The following DNAJC13 variants were observed in gnomAD, a reference collection of about 807,000 sequenced individuals.
The protein encoded by DNAJC13 is dnaJ homolog subfamily C member 13.
Under a neutral mutation model 290.5 loss-of-function variants are expected in DNAJC13, and 75 were observed. The observed-to-expected ratio is 0.26, with a 90% CI of 0.21 to 0.31. The LOEUF is 0.31. Among genes scored for constraint, DNAJC13 ranks in the 10% least tolerant of loss-of-function variants. DNAJC13 has a pLI of 1.00. For missense variants in DNAJC13, 2,260 were observed against 2,674.5 expected, an observed-to-expected ratio of 0.85 and a Z score of 3.42; for synonymous variants, 862 against 892.0, an observed-to-expected ratio of 0.97 and a Z score of 0.60.
chr3:132,461,019 G>C, intron 14 of DNAJC13, 31 bp from the exon 15 acceptor site: 1 of 1,600,432 alleles, frequency 6.2e-7, no homozygotes, highest in Non-Finnish European at 8.5e-7. Flanking sequence ...CATCTCTTAA[G>C]TCTTTAAGAG....
At chr3:132,471,061 G>A (rs1273960836) in intron 20 of DNAJC13, among the ~76,000 whole-genome samples, 13 of 138,684 alleles carry the variant, frequency 9.4e-5, no homozygotes, top group Non-Finnish European at 1.8e-4. Context: ...CTGGCCAGGC[G>A]GGGGGCTTAC....
chr3:132,431,319 A>G (rs1233907520), intron 1 of DNAJC13, among the ~76,000 whole-genome samples: 1 of 152,182 alleles, frequency 6.6e-6, no homozygotes, highest in Non-Finnish European at 1.5e-5. Flanking sequence ...GAATGTGGAA[A>G]GTGCTATGGG....
At chr3:132,522,166 A>G (rs886650941) in intron 48 of DNAJC13, among the ~76,000 whole-genome samples, 1 of 152,172 alleles carries the variant, frequency 6.6e-6, no homozygotes, top group Non-Finnish European at 1.5e-5. Flanking sequence ...GTAAGATAAG[A>G]TTTGAGCCCA....
At chr3:132,448,940 C>G (rs1019046662) in intron 5 of DNAJC13, among the ~76,000 whole-genome samples, 1 of 152,070 alleles carries the variant, frequency 6.6e-6, no homozygotes, top group African/African-American at 2.4e-5. Context: ...GGTGACGTAC[C>G]TCATCTGTTT....
Position 132,423,551 on chromosome 3 carries a change from A to G in DNAJC13, c.-14+5791A>G, listed in dbSNP as rs573266953. ...AGAGCAGATAAGCCATTTTCCCCCC[A>G]AATCTTAGCACTAATGGGCTTAATT... On this transcript the variant is annotated intron_variant, in intron 1 of 55. Transcript: ENST00000260818. Among the ~76,000 whole-genome samples, 3 of 152,312 alleles carry G rather than the reference A, an allele frequency of 2.0e-5. No individual in the cohort carries two copies. The East Asian group carries it at 5.8e-4, about 29-fold the overall frequency.
intron 2 of DNAJC13, among the ~76,000 whole-genome samples, chr3:132,437,109 C>A (rs1439498666): frequency 6.6e-6 from 1 of 151,910 alleles, no homozygotes; most frequent in Non-Finnish European, 1.5e-5. Context: ...AAACTCCTGA[C>A]CTCAAGTAAT....
chr3:132,430,711 C>T (rs1342954564), intron 1 of DNAJC13, among the ~76,000 whole-genome samples: 1 of 152,224 alleles, frequency 6.6e-6, no homozygotes, highest in East Asian at 1.9e-4. Flanking sequence ...AATATCCGTA[C>T]ACCTATATAT....
At chr3:132,454,985 A>AG (rs1933548967) in intron 9 of DNAJC13, among the ~76,000 whole-genome samples, 1 of 152,226 alleles carries the variant, frequency 6.6e-6, no homozygotes, top group East Asian at 1.9e-4. Context: ...AAGATTTCCC[A>AG]GATGTAATAC....
rs777197820 is a variant in DNAJC13 at position 132,528,196 on chromosome 3, A to G, written c.6389A>G (p.Lys2130Arg). Reference sequence around the variant, plus strand: ...GCTTAATATTTCTTCTAGGCCCTGAAAGCAGATTTGGTTCCATACCTCTTA... The same window carrying G: ...GCTTAATATTTCTTCTAGGCCCTGAGAGCAGATTTGGTTCCATACCTCTTA... ...EQSELVAQAL[K>R]ADLVPYLLKL... Residue 2130 changes from lysine to arginine, a missense_variant, in exon 54 of 56, where the codon AAA becomes AGA. This residue lies in a region of DNAJC13 where 1,494 missense variants were observed against 1,693.7 expected (regional missense o/e 0.88). Transcript: ENST00000260818. 1 of 1,614,030 alleles carries G rather than the reference A, an allele frequency of 6.2e-7. No homozygotes were observed. The highest frequency in any genetic ancestry group is 8.5e-7 in the Non-Finnish European group (1 of 1,179,952).
chr3:132,424,193 G>A (rs1214268587), intron 1 of DNAJC13, among the ~76,000 whole-genome samples: 6 of 152,138 alleles, frequency 3.9e-5, no homozygotes, highest in Non-Finnish European at 8.8e-5. Context: ...TTTCAGGTGA[G>A]TATTTTAAGG....
intron 1 of DNAJC13, among the ~76,000 whole-genome samples, chr3:132,433,243 A>G (rs1430733054): frequency 2.0e-5 from 3 of 152,150 alleles, no homozygotes; most frequent in South Asian, 2.1e-4. Context: ...AAATTGTTCT[A>G]TTTTTAGAAA....
In DNAJC13 at chr3:132,454,099, C is replaced by G. The variant is rs1299353703; in HGVS notation, c.874C>G (p.Gln292Glu). The change falls in exon 9 of 56, where the codon CAA (glutamine) becomes GAA (glutamate). Residue 292 changes from glutamine (Q) to glutamate (E), a missense_variant. By Grantham distance (29) the Gln-to-Glu change is conservative. Coordinates refer to ENST00000260818, the MANE Select transcript of DNAJC13 (RefSeq NM_015268.4). ...FALVCDSENP[Q>E]LFTIEFIKGQ... ...GTTGGTCTGTGACTCAGAAAATCCA[C>G]AACTTTTTACCATTGAATTTATAAA... 2.5e-6 allele frequency: 4 copies of G among 1,607,486 alleles called. No individual in the cohort carries two copies. Among genetic ancestry groups the G allele is most frequent in the Non-Finnish European group, 3.4e-6 (4 of 1,178,148 alleles).
intron 2 of DNAJC13, among the ~76,000 whole-genome samples, chr3:132,436,896 T>G (rs1939399505): frequency 6.6e-6 from 1 of 151,668 alleles, no homozygotes; most frequent in Non-Finnish European, 1.5e-5. Flanking sequence ...TTTTTTTTTT[T>G]TCTTTTTGAG....
At chr3:132,481,375 C>T (rs1332549824) in intron 26 of DNAJC13, among the ~76,000 whole-genome samples, 1 of 152,112 alleles carries the variant, frequency 6.6e-6, no homozygotes, top group Non-Finnish European at 1.5e-5. Flanking sequence ...ATCACTTGAA[C>T]TCAGGAGTTC....
chr3:132,526,513 C>A (rs1936261458), intron 53 of DNAJC13, among the ~76,000 whole-genome samples: 1 of 152,078 alleles, frequency 6.6e-6, no homozygotes, highest in South Asian at 2.1e-4. Flanking sequence ...TATATACACA[C>A]ACACAAAAAT....
chr3:132,467,123 A>G, intron 19 of DNAJC13, 47 bp from the exon 20 acceptor site: 1 of 1,574,754 alleles, frequency 6.4e-7, no homozygotes. Context: ...GAGTTTTAAA[A>G]TAAATTTGCA....
intron 20 of DNAJC13, among the ~76,000 whole-genome samples, chr3:132,468,748 G>A (rs960770378): frequency 1.3e-5 from 2 of 152,054 alleles, no homozygotes; most frequent in East Asian, 3.8e-4. Context: ...GATAATACTG[G>A]TATAGCATTT....
chr3:132,471,539 G>A (rs1266833821), intron 20 of DNAJC13, among the ~76,000 whole-genome samples: 13 of 139,772 alleles, frequency 9.3e-5, no homozygotes, highest in Non-Finnish European at 1.9e-4. Flanking sequence ...CGGGGCGGCC[G>A]GGCAGAGACG....
At chr3:132,458,149 C>G (rs1933676800) in intron 13 of DNAJC13, 1 of 152,122 alleles carries the variant, frequency 6.6e-6, no homozygotes, top group Non-Finnish European at 1.5e-5. Flanking sequence ...AGCAGCACAC[C>G]TGAAAGCTGT....
Sources: allele counts gnomAD v4.1 joint callset (sites outside exome capture counted in the v4.1 genomes callset), GRCh38; gene constraint gnomAD v4.1.1; regional missense constraint gnomAD v4.1.1; transcripts MANE v1.5; gene names NCBI Gene and HGNC (gene_info 2026-07-23, HGNC 2026-07-21).